Variants in KRTAP9-7 observed in about 807,000 individuals in gnomAD.
KRTAP9-7 encodes the protein keratin associated protein 9-7, also known as keratin-associated protein 9-7.
For synonymous variants in KRTAP9-7, 68 were observed against 72.5 expected, an observed-to-expected ratio of 0.94 and a Z score of 0.32; for missense variants, 157 against 198.3, an observed-to-expected ratio of 0.79 and a Z score of 1.25.
At chr17:41,276,112 T>C in exon 1 of KRTAP9-7, 7 of 1,613,682 alleles carry the variant, frequency 4.3e-6, no homozygotes, top group Non-Finnish European at 5.1e-6. Context: ...CTGCCAGCCG[T>C]GCTGCCGCCC....
At chr17:41,276,093 C>T (rs750404693) in exon 1 of KRTAP9-7, 71 of 1,612,476 alleles carry the variant, frequency 4.4e-5, no homozygotes, top group South Asian at 5.5e-5. Context: ...AGAGCTGTGG[C>T]TCCAGCTGCT....
At chr17:41,276,136 A>T (rs1175693567) in exon 1 of KRTAP9-7, 1 of 1,613,172 alleles carries the variant, frequency 6.2e-7, no homozygotes, top group African/African-American at 1.3e-5. Flanking sequence ...CTGCTGTGAG[A>T]CTACCTGCTG....
At chr17:41,275,906 G>A in exon 1 of KRTAP9-7, 1 of 1,611,600 alleles carries the variant, frequency 6.2e-7, no homozygotes, top group Non-Finnish European at 8.5e-7. Flanking sequence ...GTGACCAGCT[G>A]CTGCCAGCCT....
At chr17:41,276,008 G>T in exon 1 of KRTAP9-7, 40 of 1,614,068 alleles carry the variant, frequency 2.5e-5, no homozygotes, top group Non-Finnish European at 3.4e-5. Flanking sequence ...TGCCAGCCCA[G>T]CTCCTGTGCA....
chr17:41,275,930 C>T (rs755899319), exon 1 of KRTAP9-7: 2 of 1,613,500 alleles, frequency 1.2e-6, no homozygotes, highest in South Asian at 1.1e-5. Flanking sequence ...TGCTGCAGCA[C>T]ACCCTGCTGC....
rs781432356 is a variant in KRTAP9-7, at chr17:41,275,947, A to T, written c.250A>T (p.Ile84Phe). 10 of 1,613,000 alleles carry T rather than the reference A, an allele frequency of 6.2e-6. No individual in the cohort carries two copies. The South Asian group carries it at 1.1e-4, about 18-fold the overall frequency. ...CTGCAGCACACCCTGCTGCCAGCCC[A>T]TCTGCTGTGGGTCCAGCTGCTGTGG... Residue 84 changes from isoleucine (I) to phenylalanine (F), a missense_variant, in exon 1 of 1, where the codon ATC (isoleucine) becomes TTC (phenylalanine). Coordinates refer to ENST00000391354, the Ensembl canonical transcript of KRTAP9-7.
the KRTAP9-7 span, chr17:41,275,940 C>A: frequency 1.8e-5 from 29 of 1,612,224 alleles, no homozygotes; most frequent in South Asian, 1.8e-4. Flanking sequence ...CACCCTGCTG[C>A]CAGCCCATCT....
chr17:41,276,123 A>C lies in KRTAP9-7; in HGVS notation c.426A>C (p.Pro142=), dbSNP rs775260379. 1.5e-5 allele frequency: 25 copies of C among 1,613,186 alleles called. No individual in the cohort carries two copies. In the East Asian group the frequency reaches 3.3e-4, roughly 22 times the overall value. ...GCTGCTGCCAGCCGTGCTGCCGCCCAGCCTGCTGTGAGACTACCTGCTGCA... is the reference window on the plus strand; with the variant it reads ...GCTGCTGCCAGCCGTGCTGCCGCCCCGCCTGCTGTGAGACTACCTGCTGCA... The change falls in exon 1 of 1, where the codon CCA becomes CCC. Residue 142 remains proline, a synonymous_variant. Transcript: ENST00000391354.
chr17:41,276,032 G>T, exon 1 of KRTAP9-7: 4 of 1,613,766 alleles, frequency 2.5e-6, no homozygotes, highest in Non-Finnish European at 3.4e-6. Context: ...ATCTACTGCA[G>T]GAGAACCTGC....
chr17:41,275,777 G>A (rs1212202142), exon 1 of KRTAP9-7: 2 of 1,504,314 alleles, frequency 1.3e-6, no homozygotes, highest in African/African-American at 3.2e-5. Context: ...GTGACCACCT[G>A]CAGCAGCACA....
At chr17:41,276,028 T>A (rs1479617999) in exon 1 of KRTAP9-7, 1 of 1,613,786 alleles carries the variant, frequency 6.2e-7, no homozygotes, top group Admixed American at 1.7e-5. Flanking sequence ...ACCCATCTAC[T>A]GCAGGAGAAC....
At chr17:41,275,939 G>A (rs559483348) in exon 1 of KRTAP9-7, 188 of 1,610,462 alleles carry the variant, frequency 1.2e-4, no homozygotes, top group South Asian at 5.8e-4. Flanking sequence ...ACACCCTGCT[G>A]CCAGCCCATC....
chr17:41,275,952 C>T (rs564292038), exon 1 of KRTAP9-7: 13 of 1,613,598 alleles, frequency 8.1e-6, no homozygotes, highest in East Asian at 4.5e-5. Context: ...AGCCCATCTG[C>T]TGTGGGTCCA....
chr17:41,276,051 C>T (rs1329289445), exon 1 of KRTAP9-7: 1 of 1,613,734 alleles, frequency 6.2e-7, no homozygotes, highest in Admixed American at 1.7e-5. Context: ...GCTACCACCC[C>T]ACGAGTGTCT....
In KRTAP9-7 at chr17:41,276,054, G is replaced by A. The variant is rs28485549; in HGVS notation, c.357G>A (p.Thr119=). Reference sequence around the variant, plus strand: ...GCAGGAGAACCTGCTACCACCCCACGAGTGTCTACCTGCCTGGTTGCCTAA... The same window carrying A: ...GCAGGAGAACCTGCTACCACCCCACAAGTGTCTACCTGCCTGGTTGCCTAA... The change falls in exon 1 of 1, where the codon ACG becomes ACA. Residue 119 remains threonine (T), a synonymous_variant. Transcript: ENST00000391354. The A allele has an allele frequency of 5.3e-3, 8,524 of 1,613,076 alleles. 330 individuals are homozygous for A. The African/African-American group carries it at 0.096, about 18-fold the overall frequency.
exon 1 of KRTAP9-7, chr17:41,276,090 T>C (rs767701664): frequency 2.2e-5 from 36 of 1,613,088 alleles, no homozygotes; most frequent in Middle Eastern, 1.6e-4. Context: ...ACCAGAGCTG[T>C]GGCTCCAGCT....
chr17:41,275,813 T>C, exon 1 of KRTAP9-7: 2 of 1,570,636 alleles, frequency 1.3e-6, no homozygotes, highest in South Asian at 1.1e-5. Flanking sequence ...TCCTGCTGTG[T>C]GTCCAGCTGC....
At chr17:41,276,056 G>A (rs776506149) in exon 1 of KRTAP9-7, 1 of 1,613,528 alleles carries the variant, frequency 6.2e-7, no homozygotes, top group South Asian at 1.1e-5. Context: ...CACCCCACGA[G>A]TGTCTACCTG....
At chr17:41,275,959 T>A (rs746043210) in exon 1 of KRTAP9-7, 8 of 1,610,974 alleles carry the variant, frequency 5.0e-6, no homozygotes, top group Non-Finnish European at 6.8e-6. Context: ...CTGCTGTGGG[T>A]CCAGCTGCTG....
Sources: allele counts gnomAD v4.1 joint callset, GRCh38; gene constraint gnomAD v4.1.1; transcripts MANE v1.5; gene names NCBI Gene and HGNC (gene_info 2026-07-23, HGNC 2026-07-21).